PDE11A: variants seen among roughly 807,000 people sequenced by gnomAD.
PDE11A encodes the protein dual 3',5'-cyclic-AMP and -GMP phosphodiesterase 11A.
PDE11A carries 100 observed loss-of-function variants against 100.5 expected under a neutral mutation model. That is an observed-to-expected ratio of 1.00 (90% CI 0.85 to 1.18). The LOEUF is 1.18. Among genes scored for constraint, PDE11A ranks in the 50% most tolerant of loss-of-function variants. PDE11A has a pLI of 0.00. For synonymous variants in PDE11A, 381 were observed against 420.8 expected (o/e 0.91, Z 1.16); for missense variants, 1,141 against 1,152.6 (o/e 0.99, Z 0.15).
rs1422603225 is a variant in PDE11A, at chr2:177,769,360, T to C, written c.1751A>G (p.His584Arg). ...AACTTCAGCTTTTGAACATGTTGCA[T>C]GGTATGATAGCACCTGATTCAGAAG... The part of the protein sequence containing the change: ...QSVALDVLSY[H>R]ATCSKAEVDK... Residue 584 changes from histidine (H) to arginine (R), a missense_variant, in exon 10 of 20, where the codon CAT becomes CGT. By Grantham distance (29) the His-to-Arg change is conservative. Coordinates refer to ENST00000286063, the MANE Select transcript of PDE11A (RefSeq NM_016953.4). 4 of 1,591,426 alleles carry C rather than the reference T, an allele frequency of 2.5e-6. No individual in the cohort carries two copies. The South Asian group carries it at 3.3e-5, about 13-fold the overall frequency.
chr2:178,008,173 A>C (rs758045258), intron 2 of PDE11A, among the ~76,000 whole-genome samples: 2 of 152,220 alleles, frequency 1.3e-5, no homozygotes, highest in Non-Finnish European at 2.9e-5. Flanking sequence ...TTAATATAGA[A>C]CATAAAAAGT....
intron 19 of PDE11A, among the ~76,000 whole-genome samples, chr2:177,639,493 AG>A (rs1224102264): frequency 1.3e-5 from 2 of 152,188 alleles, no homozygotes; most frequent in Admixed American, 1.3e-4. Flanking sequence ...GGCAGGAAGA[AG>A]GGTTAAGGCT....
At chr2:178,018,427 G>T in intron 1 of PDE11A, 1 of 477,276 alleles carries the variant, frequency 2.1e-6, no homozygotes, top group South Asian at 1.6e-5. Flanking sequence ...TCATGATGGG[G>T]GCATCTGGAA....
intron 4 of PDE11A, among the ~76,000 whole-genome samples, chr2:177,881,960 A>C (rs1484803862): frequency 6.6e-6 from 1 of 152,388 alleles, no homozygotes; most frequent in Non-Finnish European, 1.5e-5. Flanking sequence ...TAATATTCCC[A>C]TGTAATATAG....
At chr2:177,758,292 G>A (rs1481842159) in intron 10 of PDE11A, among the ~76,000 whole-genome samples, 9 of 110,748 alleles carry the variant, frequency 8.1e-5, no homozygotes, top group Middle Eastern at 8.1e-3. Flanking sequence ...GCAAGACTCC[G>A]TCTCAAAAAA....
intron 3 of PDE11A, among the ~76,000 whole-genome samples, chr2:177,899,218 T>A (rs2084661221): frequency 1.3e-5 from 2 of 152,040 alleles, no homozygotes; most frequent in Admixed American, 1.3e-4. Flanking sequence ...CCAGCCTGGC[T>A]AATACGGTGA....
intron 4 of PDE11A, among the ~76,000 whole-genome samples, chr2:177,893,062 A>T (rs1402883553): frequency 6.6e-6 from 1 of 152,102 alleles, no homozygotes; most frequent in African/African-American, 2.4e-5. Context: ...CGGAGAATTG[A>T]GTCTGGGAGC....
chr2:177,718,898 T>A (rs899574688), intron 12 of PDE11A, among the ~76,000 whole-genome samples: 4 of 152,330 alleles, frequency 2.6e-5, no homozygotes, highest in Non-Finnish European at 2.9e-5. Flanking sequence ...CATTCATTCA[T>A]TGAACAAATA....
At chr2:178,082,815 G>C (rs887298530) in intron 2 of PDE11A, among the ~76,000 whole-genome samples, 2 of 152,126 alleles carry the variant, frequency 1.3e-5, no homozygotes, top group African/African-American at 4.8e-5. Flanking sequence ...CTCCATGGTC[G>C]GTGGGGCAGC....
intron 1 of PDE11A, among the ~76,000 whole-genome samples, chr2:178,026,841 T>C (rs1347301950): frequency 6.6e-6 from 1 of 152,078 alleles, no homozygotes; most frequent in East Asian, 1.9e-4. Flanking sequence ...TTCAACTAGT[T>C]ACATATTTGG....
chr2:177,951,859 G>A (rs1014737963), intron 2 of PDE11A, among the ~76,000 whole-genome samples: 24 of 152,054 alleles, frequency 1.6e-4, no homozygotes, highest in African/African-American at 5.8e-4. Context: ...TATCTTCCAA[G>A]GTTATTTTCT....
intron 2 of PDE11A, among the ~76,000 whole-genome samples, chr2:177,928,596 C>T (rs1049058821): frequency 6.6e-6 from 1 of 152,182 alleles, no homozygotes; most frequent in African/African-American, 2.4e-5. Flanking sequence ...CTGACTGAAA[C>T]TGAAGAATTA....
chr2:177,901,735 CA>C (rs1379847280), intron 3 of PDE11A, among the ~76,000 whole-genome samples: 1 of 152,118 alleles, frequency 6.6e-6, no homozygotes, highest in Non-Finnish European at 1.5e-5. Flanking sequence ...TAATTACAAG[CA>C]AAAAGCCCTG....
chr2:177,794,734 G>A (rs2082680828), intron 9 of PDE11A, among the ~76,000 whole-genome samples: 1 of 151,980 alleles, frequency 6.6e-6, no homozygotes, highest in South Asian at 2.1e-4. Context: ...CCCGACAAAC[G>A]AATGTCTGCT....
At chr2:177,941,316 G>A (rs2085343213) in intron 2 of PDE11A, among the ~76,000 whole-genome samples, 1 of 152,028 alleles carries the variant, frequency 6.6e-6, no homozygotes, top group African/African-American at 2.4e-5. Context: ...CTTCTAACTC[G>A]CATGAGGACC....
At chr2:178,056,469 G>A (rs1385830914) in intron 1 of PDE11A, among the ~76,000 whole-genome samples, 1 of 152,116 alleles carries the variant, frequency 6.6e-6, no homozygotes, top group African/African-American at 2.4e-5. Flanking sequence ...CCTGGATATT[G>A]CATACCAAGT....
At chr2:178,015,506 T>A (rs1306528045) in intron 1 of PDE11A, among the ~76,000 whole-genome samples, 2 of 152,084 alleles carry the variant, frequency 1.3e-5, no homozygotes, top group Admixed American at 1.3e-4. Context: ...AGACCTGAAA[T>A]CCAAATAAAA....
chr2:177,671,264 C>A (rs2105489974), intron 17 of PDE11A, among the ~76,000 whole-genome samples: 1 of 60,908 alleles, frequency 1.6e-5, no homozygotes, highest in South Asian at 8.9e-4. Context: ...GGTATCTCCC[C>A]TGTGCTCCTT....
At chr2:177,781,954 G>T (rs1328837516) in intron 9 of PDE11A, among the ~76,000 whole-genome samples, 2 of 152,110 alleles carry the variant, frequency 1.3e-5, no homozygotes, top group Non-Finnish European at 2.9e-5. Flanking sequence ...CAAATCAAAG[G>T]TTTAATGTAA....
Sources: gnomAD v4.1 joint callset for allele counts (sites outside exome capture counted in the v4.1 genomes callset) on GRCh38, gnomAD v4.1.1 for gene constraint, MANE v1.5 for transcripts, NCBI Gene and HGNC (gene_info 2026-07-23, HGNC 2026-07-21) for gene names.